Variants in RPS6KA2 observed in about 807,000 individuals in gnomAD.
RPS6KA2 encodes ribosomal protein S6 kinase A2, also known as ribosomal protein S6 kinase alpha-2.
Under a neutral mutation model 91.8 loss-of-function variants are expected in RPS6KA2, and 42 were observed. The observed-to-expected ratio is 0.46, with a 90% CI of 0.36 to 0.59. The LOEUF is 0.59. Ranked by LOEUF, RPS6KA2 falls within the 20% of genes least tolerant of loss-of-function variation. The probability of loss-of-function intolerance (pLI) is 0.00; values close to 1 mark genes in which losing one functional copy is unlikely to be tolerated. For synonymous variants in RPS6KA2, 414 were observed against 393.6 expected, an observed-to-expected ratio of 1.05 and a Z score of -0.61; for missense variants, 798 against 978.5, an observed-to-expected ratio of 0.82 and a Z score of 2.46.
chr6:166,538,932 G>GTT lies in RPS6KA2; in HGVS notation c.100-150_100-149dup, dbSNP rs1338843658. On this transcript the variant is annotated intron_variant, in intron 1 of 20. Coordinates refer to ENST00000265678, the MANE Select transcript of RPS6KA2 (RefSeq NM_021135.6). ...GAAAGTGGAGACACCATTTAGTTGTGTTTTTTTCTTTTTTTTTTCTTAAGA... is the reference window on the plus strand; with the variant it reads ...GAAAGTGGAGACACCATTTAGTTGTGTTTTTTTTTCTTTTTTTTTTCTTAAGA... 612 of 493,128 alleles carry GTT rather than the reference G, an allele frequency of 1.2e-3. 4 individuals carry two copies. Among genetic ancestry groups the GTT allele is most frequent in the African/African-American group, 0.011 (562 of 50,554 alleles). 30.5% of individuals were successfully genotyped at this position (493,128 alleles called of 1,614,324 possible). A position where few individuals can be genotyped will look rare whatever the true frequency, so the allele number is the denominator to read the frequency against.
In RPS6KA2 at chr6:166,568,406, G is replaced by A. The variant is rs374466720; in HGVS notation, c.100-29622C>T. On this transcript the variant is annotated intron_variant, in intron 1 of 20. Transcript: ENST00000265678. ...AGGCAGGCGGATCACCTGAGATCAG[G>A]AATTCGAGACCAGCCTGGCCAACAT... 1.2e-3 allele frequency among the ~76,000 whole-genome samples: 182 copies of A among 152,122 alleles called. 3 individuals are homozygous for A. In the South Asian group the frequency reaches 0.037, roughly 31 times the overall value.
At chr6:166,763,808 T>C (rs1332124027) in intron 2 of RPS6KA2, among the ~76,000 whole-genome samples, 1 of 152,144 alleles carries the variant, frequency 6.6e-6, no homozygotes, top group Non-Finnish European at 1.5e-5. Flanking sequence ...AATAACCAAC[T>C]GCAAACGATC....
At chr6:166,679,097 GA>G (rs1315008496) in intron 2 of RPS6KA2, among the ~76,000 whole-genome samples, 1 of 152,186 alleles carries the variant, frequency 6.6e-6, no homozygotes, top group Non-Finnish European at 1.5e-5. Flanking sequence ...TTTGGAGAAA[GA>G]AACTGTGAAC....
In RPS6KA2 at chr6:166,432,461, C is replaced by T. The variant is rs564998266; in HGVS notation, c.1362G>A (p.Ser454=). The T allele has an allele frequency of 3.5e-5, 57 of 1,613,360 alleles. No individual in the cohort carries two copies. The highest frequency in any genetic ancestry group is 6.7e-5 in the East Asian group (3 of 44,876). Residue 454 remains serine (S), a synonymous_variant, in exon 15 of 21, where the codon TCG becomes TCA. Coordinates refer to ENST00000265678, the MANE Select transcript of RPS6KA2 (RefSeq NM_021135.6). ...ACCGCAGGAGGATCTCAATCTCTTCCGAGGGGTCTCTCTTGCTCTTATCAA... is the reference window on the plus strand; with the variant it reads ...ACCGCAGGAGGATCTCAATCTCTTCTGAGGGGTCTCTCTTGCTCTTATCAA... ...KIIDKSKRDP[S]EEIEILLRYG...
chr6:166,703,085 C>G (rs1169537959), intron 2 of RPS6KA2, among the ~76,000 whole-genome samples: 1 of 152,188 alleles, frequency 6.6e-6, no homozygotes, highest in African/African-American at 2.4e-5. Flanking sequence ...AACGCATCCA[C>G]CAGGCTTGAA....
intron 10 of RPS6KA2, among the ~76,000 whole-genome samples, chr6:166,478,757 G>T (rs1459450510): frequency 1.3e-5 from 2 of 152,196 alleles, no homozygotes; most frequent in African/African-American, 4.8e-5. Context: ...CCCGGCCACA[G>T]GCCTCTGCAC....
intron 2 of RPS6KA2, among the ~76,000 whole-genome samples, chr6:166,724,993 G>A (rs150468411): frequency 3.3e-5 from 5 of 152,268 alleles, no homozygotes; most frequent in African/African-American, 7.2e-5. Flanking sequence ...TGCTCAGAGA[G>A]TTGAGGAAAT....
chr6:166,466,896 T>TA (rs1780548935), intron 11 of RPS6KA2, among the ~76,000 whole-genome samples: 1 of 149,898 alleles, frequency 6.7e-6, no homozygotes, highest in Non-Finnish European at 1.5e-5. Flanking sequence ...ATTCACTCAC[T>TA]CCCTCATTCA....
intron 2 of RPS6KA2, among the ~76,000 whole-genome samples, chr6:166,763,591 C>G (rs976607545): frequency 4.6e-5 from 7 of 152,188 alleles, no homozygotes; most frequent in Non-Finnish European, 8.8e-5. Context: ...AAAACAGGAG[C>G]AAGGAAGGGA....
chr6:166,504,016 A>G (rs1186935825), intron 6 of RPS6KA2, among the ~76,000 whole-genome samples: 1 of 152,194 alleles, frequency 6.6e-6, no homozygotes, highest in Non-Finnish European at 1.5e-5. Context: ...GTAGAGGTTC[A>G]TTGACCACAT....
rs1781568616 is a variant in RPS6KA2 at position 166,490,967 on chromosome 6, G to T, written c.748-226C>A. On this transcript the variant is annotated intron_variant, in intron 8 of 20. Coordinates refer to ENST00000265678, the MANE Select transcript of RPS6KA2 (RefSeq NM_021135.6). The surrounding 1 kb of genome is among the most constrained non-coding windows in gnomAD (Gnocchi z 4.2). ...AGACGGGTAAATGACAGATGTGGTA[G>T]ATAATCACACTCTGTGGCAGGCCAG... Among the ~76,000 whole-genome samples, 1 of 152,242 alleles carries T rather than the reference G, an allele frequency of 6.6e-6. No individual in the cohort carries two copies. The highest frequency in any genetic ancestry group is 1.5e-5 in the Non-Finnish European group (1 of 68,048).
At chr6:166,784,625 C>T (rs573516166) in intron 2 of RPS6KA2, among the ~76,000 whole-genome samples, 3 of 41,226 alleles carry the variant, frequency 7.3e-5, no homozygotes, top group African/African-American at 4.7e-4. Flanking sequence ...ACCACATATA[C>T]ACACGTGCAC....
intron 13 of RPS6KA2, among the ~76,000 whole-genome samples, chr6:166,449,108 G>T (rs776731742): frequency 6.6e-6 from 1 of 152,162 alleles, no homozygotes; most frequent in Non-Finnish European, 1.5e-5. Context: ...CCACTGGCTG[G>T]TATGTTTCTC....
At chr6:166,786,704 A>C (rs1475597469) in intron 2 of RPS6KA2, among the ~76,000 whole-genome samples, 1 of 152,200 alleles carries the variant, frequency 6.6e-6, no homozygotes, top group African/African-American at 2.4e-5. Flanking sequence ...AAAATGCTTA[A>C]AAAAATCATC....
chr6:166,430,369 T>C (rs1779079637), intron 16 of RPS6KA2, 84 bp downstream of exon 16: 6 of 1,247,836 alleles, frequency 4.8e-6, no homozygotes, highest in Non-Finnish European at 6.8e-6. Flanking sequence ...CGTTCTCAGC[T>C]CTTGAACCCA....
intron 2 of RPS6KA2, among the ~76,000 whole-genome samples, chr6:166,728,150 G>C (rs554753731): frequency 3.2e-4 from 48 of 152,360 alleles, no homozygotes; most frequent in African/African-American, 1.1e-3. Flanking sequence ...GGAGGGACTT[G>C]AGCAGTGCAA....
chr6:166,760,750 A>G (rs1778145370), intron 2 of RPS6KA2, among the ~76,000 whole-genome samples: 1 of 152,188 alleles, frequency 6.6e-6, no homozygotes, highest in Non-Finnish European at 1.5e-5. Context: ...GAAGAATCGG[A>G]TGGGGGAAAT....
chr6:166,760,209 G>A (rs13198549), intron 2 of RPS6KA2, among the ~76,000 whole-genome samples: 85,064 of 152,058 alleles, frequency 0.56, 24,801 homozygotes, highest in East Asian at 0.71. Flanking sequence ...GGGGCACCTG[G>A]GGAATGGCGA....
At chr6:166,759,921 C>T (rs992691160) in intron 2 of RPS6KA2, among the ~76,000 whole-genome samples, 2 of 152,148 alleles carry the variant, frequency 1.3e-5, no homozygotes, top group Admixed American at 6.5e-5. Flanking sequence ...TTCTGAGTGT[C>T]GAAGGAGGAC....
Sources: allele counts gnomAD v4.1 joint callset (sites outside exome capture counted in the v4.1 genomes callset), GRCh38; gene constraint gnomAD v4.1.1; non-coding constraint Gnocchi (gnomAD v3.1); transcripts MANE v1.5; gene names NCBI Gene and HGNC (gene_info 2026-07-23, HGNC 2026-07-21).